TUSC3: variants seen among roughly 807,000 people sequenced by gnomAD.
TUSC3 encodes dolichyl-diphosphooligosaccharide--protein glycosyltransferase subunit TUSC3.
Under a neutral mutation model 44.8 loss-of-function variants are expected in TUSC3, and 45 were observed. The ratio of observed to expected loss-of-function variants is 1.00; its 90% CI spans 0.79 to 1.29. TUSC3 has a LOEUF of 1.29. TUSC3 is among the 50% of genes most tolerant of loss of function. TUSC3 has a pLI of 0.00. For synonymous variants in TUSC3, 212 were observed against 152.9 expected (o/e 1.39, Z -2.85); for missense variants, 519 against 437.9 (o/e 1.19, Z -1.65).
At chr8:15,760,505 A>G (rs1812127977) in intron 10 of TUSC3, among the ~76,000 whole-genome samples, 1 of 152,160 alleles carries the variant, frequency 6.6e-6, no homozygotes, top group Non-Finnish European at 1.5e-5. Context: ...GTTTAATACA[A>G]GACTAAGTAA....
chr8:15,597,380 G>T (rs959475402), intron 1 of TUSC3, among the ~76,000 whole-genome samples: 1 of 152,042 alleles, frequency 6.6e-6, no homozygotes, highest in Admixed American at 6.6e-5. Context: ...GAGCCAGTTG[G>T]ACACTGCATT....
rs368695805 is a variant in TUSC3 at position 15,675,767 on chromosome 8, G to C, written c.798+1931G>C. Among the ~76,000 whole-genome samples, 439 of 152,136 alleles carry C rather than the reference G, an allele frequency of 2.9e-3. 5 individuals are homozygous for C. Among genetic ancestry groups the C allele is most frequent in the African/African-American group, 0.01 (421 of 41,540 alleles). Reference sequence around the variant, plus strand: ...ATCCATATTGCTGCAAAGGACATGAGTTCATTCTTTTTTATGGCTGTATAG... The same window carrying C: ...ATCCATATTGCTGCAAAGGACATGACTTCATTCTTTTTTATGGCTGTATAG... On this transcript the variant is annotated intron_variant, in intron 6 of 10. Coordinates refer to ENST00000503731, the MANE Select transcript of TUSC3 (RefSeq NM_006765.4).
At chr8:15,490,266 G>T (rs975647326) in intron 2 of TUSC3, among the ~76,000 whole-genome samples, 1 of 152,170 alleles carries the variant, frequency 6.6e-6, no homozygotes, top group African/African-American at 2.4e-5. Flanking sequence ...GTTACCAGAG[G>T]GCAGGAGACA....
chr8:15,481,196 GA>G (rs1563262380), intron 1 of TUSC3, among the ~76,000 whole-genome samples: 1 of 146,832 alleles, frequency 6.8e-6, no homozygotes, highest in Non-Finnish European at 1.5e-5. Context: ...GTGGTGAGCC[GA>G]GATGGCACCA....
chr8:15,735,587 C>T (rs1466872893), intron 7 of TUSC3, among the ~76,000 whole-genome samples: 1 of 152,196 alleles, frequency 6.6e-6, no homozygotes, highest in African/African-American at 2.4e-5. Flanking sequence ...ATCAAAACCT[C>T]TGTGGTGAAT....
intron 1 of TUSC3, among the ~76,000 whole-genome samples, chr8:15,430,517 A>G (rs977294607): frequency 6.6e-6 from 1 of 150,714 alleles, no homozygotes; most frequent in African/African-American, 2.5e-5. Context: ...CCCACAGCCA[A>G]TATCGTACTG....
intron 9 of TUSC3, among the ~76,000 whole-genome samples, chr8:15,757,196 C>T (rs187782808): frequency 1.1e-4 from 17 of 152,040 alleles, no homozygotes; most frequent in African/African-American, 3.9e-4. Flanking sequence ...TGGGTGATAA[C>T]AAGTGAAAAA....
chr8:15,793,925 G>A, the TUSC3 span, among the ~76,000 whole-genome samples: 5 of 152,166 alleles, frequency 3.3e-5, no homozygotes, highest in Non-Finnish European at 7.4e-5. Context: ...TGTGTTTGAG[G>A]AAACCAAAGG....
intron 1 of TUSC3, among the ~76,000 whole-genome samples, chr8:15,613,064 GAT>G (rs34594440): frequency 2.7e-4 from 39 of 144,558 alleles, no homozygotes; most frequent in African/African-American, 4.6e-4. Flanking sequence ...TTATATATAT[GAT>G]ATATATATAT....
At chr8:15,827,994 CT>C in the TUSC3 span, among the ~76,000 whole-genome samples, 23,832 of 137,992 alleles carry the variant, frequency 0.17, 1,900 homozygotes, top group Admixed American at 0.28. Context: ...AATTTGGTAT[CT>C]TTTTTTTTTT....
Position 15,761,679 on chromosome 8 carries a change from T to C in TUSC3, c.*47-2524T>C, listed in dbSNP as rs181696302. Among the ~76,000 whole-genome samples, 628 of 152,278 alleles carry C rather than the reference T, an allele frequency of 4.1e-3. 4 individuals carry two copies. Among genetic ancestry groups the C allele is most frequent in the African/African-American group, 0.015 (603 of 41,564 alleles). On this transcript the variant is annotated intron_variant, in intron 10 of 10. Coordinates refer to ENST00000503731, the MANE Select transcript of TUSC3 (RefSeq NM_006765.4). ...GCGTGGAGCAGAGTCCACACAGAAG[T>C]TGATCGTGGTACCCAAGGCTGCTTC...
intron 2 of TUSC3, among the ~76,000 whole-genome samples, chr8:15,636,917 T>C (rs988112757): frequency 5.9e-5 from 9 of 152,218 alleles, no homozygotes; most frequent in Non-Finnish European, 8.8e-5. Flanking sequence ...TATTTGGTGC[T>C]GGTGAGATAC....
intron 1 of TUSC3, among the ~76,000 whole-genome samples, chr8:15,619,761 C>T (rs865943299): frequency 6.6e-6 from 1 of 152,130 alleles, no homozygotes; most frequent in African/African-American, 2.4e-5. Context: ...CTGCCTGCCT[C>T]GGCCTCCCAA....
chr8:15,515,860 G>A (rs1039618761), intron 2 of TUSC3, among the ~76,000 whole-genome samples: 4 of 151,754 alleles, frequency 2.6e-5, no homozygotes, highest in African/African-American at 4.8e-5. Flanking sequence ...TAGTAGAAAC[G>A]GAGTTTCACC....
At chr8:15,747,695 G>A (rs1459170366) in intron 8 of TUSC3, among the ~76,000 whole-genome samples, 2 of 151,998 alleles carry the variant, frequency 1.3e-5, no homozygotes, top group Non-Finnish European at 2.9e-5. Context: ...TGGGACAGAG[G>A]AATATTGAAA....
chr8:15,601,946 C>T (rs1357189078), intron 1 of TUSC3, among the ~76,000 whole-genome samples: 3 of 150,812 alleles, frequency 2.0e-5, no homozygotes, highest in Non-Finnish European at 4.4e-5. Flanking sequence ...AATTAACTGA[C>T]ACGCAGAACT....
chr8:15,604,114 C>T (rs573794517), intron 1 of TUSC3, among the ~76,000 whole-genome samples: 13 of 151,602 alleles, frequency 8.6e-5, no homozygotes, highest in South Asian at 4.1e-4. Flanking sequence ...GTTTCTAAAA[C>T]AAAAGTTTGA....
intron 1 of TUSC3, among the ~76,000 whole-genome samples, chr8:15,617,447 G>T (rs1805047646): frequency 6.6e-6 from 1 of 152,024 alleles, no homozygotes; most frequent in Non-Finnish European, 1.5e-5. Flanking sequence ...CTGTATTCCT[G>T]TTTAAAAAGC....
the TUSC3 span, among the ~76,000 whole-genome samples, chr8:15,785,562 GA>G: frequency 6.6e-6 from 1 of 151,828 alleles, no homozygotes; most frequent in Non-Finnish European, 1.5e-5. Context: ...GGAGTTGGGG[GA>G]CGTTATTCCT....
Sources: allele counts gnomAD v4.1 joint callset (sites outside exome capture counted in the v4.1 genomes callset), GRCh38; gene constraint gnomAD v4.1.1; transcripts MANE v1.5; gene names NCBI Gene and HGNC (gene_info 2026-07-23, HGNC 2026-07-21).